HIP1: variants seen among roughly 807,000 people sequenced by gnomAD.
The protein encoded by HIP1 is huntingtin interacting protein 1.
A neutral mutation model predicts 147.6 loss-of-function variants in HIP1; 65 were observed. The ratio of observed to expected loss-of-function variants is 0.44; its 90% CI spans 0.36 to 0.54. The LOEUF (loss-of-function observed/expected upper bound fraction) is 0.54, where lower values mean the gene tolerates loss of function less well. HIP1 is among the 20% of genes least tolerant of loss of function. HIP1 has a pLI of 0.00. For synonymous variants in HIP1, 479 were observed against 504.0 expected, an observed-to-expected ratio of 0.95 and a Z score of 0.67; for missense variants, 1,061 against 1,299.6, an observed-to-expected ratio of 0.82 and a Z score of 2.82.
chr7:75,588,475 T>C (rs1295787311), intron 4 of HIP1, among the ~76,000 whole-genome samples: 1 of 152,136 alleles, frequency 6.6e-6, no homozygotes, highest in Non-Finnish European at 1.5e-5. Context: ...CAGGGCATAA[T>C]AAATTGTAAA....
At chr7:75,553,654 G>GGAGTGCAGTGGCGCCATCTCGGCTC in intron 21 of HIP1, 65 bp from the exon 22 acceptor site, 1 of 1,481,782 alleles carries the variant, frequency 6.7e-7, no homozygotes. Flanking sequence ...TGCCCAGGCT[G>GGAGTGCAGTGGCGCCATCTCGGCTC]GAGTGCAGTG....
rs55982331 is a variant in HIP1, at chr7:75,717,676, C to CAAAAAAAAAAAA, written c.120+21113_120+21124dup. On this transcript the variant is annotated intron_variant, in intron 1 of 30. Coordinates refer to ENST00000336926, the MANE Select transcript of HIP1 (RefSeq NM_005338.7). The stretch of plus-strand genomic sequence containing the variant: ...GTGAAACCTGTCTCTACTAAAAATA[C>CAAAAAAAAAAAA]AAAAAAAAAAAAGACCAGGCGCGGT... 6.9e-4 allele frequency among the ~76,000 whole-genome samples: 81 copies of CAAAAAAAAAAAA among 117,710 alleles called. 6 individuals are homozygous for CAAAAAAAAAAAA. Among genetic ancestry groups the CAAAAAAAAAAAA allele is most frequent in the African/African-American group, 2.5e-3 (72 of 29,004 alleles). The allele number at this position is 117,710 out of a possible 152,430, so 77.2% of individuals were successfully genotyped here.
intron 1 of HIP1, among the ~76,000 whole-genome samples, chr7:75,734,693 G>A (rs1276856652): frequency 6.6e-6 from 1 of 152,028 alleles, no homozygotes; most frequent in Admixed American, 6.6e-5. Context: ...TTCAGAGGAG[G>A]GAGTGGCCAA....
chr7:75,626,390 A>T (rs1554508011), intron 1 of HIP1: 1 of 152,252 alleles, frequency 6.6e-6, no homozygotes, highest in Non-Finnish European at 1.5e-5. Context: ...AATGTTATTA[A>T]TAGAGGACAG....
At position 75,599,218 on chromosome 7, in the gene HIP1, C is replaced by T. The variant is rs372317584; in HGVS notation, c.150G>A (p.Thr50=). The part of the protein sequence containing the change: ...QTVSINKAIN[T]QEVAVKEKHA... ...GTTTTTCCTTTACAGCCACTTCCTGCGTATTAATGGCCTTATTGATGCTGA... is the reference window on the plus strand; with the variant it reads ...GTTTTTCCTTTACAGCCACTTCCTGTGTATTAATGGCCTTATTGATGCTGA... The change falls in exon 2 of 31, where the codon ACG becomes ACA. Residue 50 remains threonine, a synonymous_variant. Transcript: ENST00000336926. 1.0e-4 allele frequency: 163 copies of T among 1,613,076 alleles called. No individual in the cohort carries two copies. Among genetic ancestry groups the T allele is most frequent in the Non-Finnish European group, 1.3e-4 (155 of 1,179,210 alleles).
chr7:75,659,781 T>C (rs1318657207), intron 1 of HIP1, among the ~76,000 whole-genome samples: 5 of 152,314 alleles, frequency 3.3e-5, no homozygotes, highest in South Asian at 2.1e-4. Context: ...AAGCATTTTA[T>C]TGGGTACCCA....
intron 4 of HIP1, among the ~76,000 whole-genome samples, chr7:75,591,722 CA>C (rs1168286308): frequency 0.055 from 4,384 of 79,624 alleles, 152 homozygotes; most frequent in African/African-American, 0.16. Context: ...CCGTCTCTAC[CA>C]AAAAAAAAAA....
chr7:75,624,879 C>A (rs1464420912), intron 1 of HIP1, among the ~76,000 whole-genome samples: 1 of 151,902 alleles, frequency 6.6e-6, no homozygotes, highest in East Asian at 1.9e-4. Context: ...TCATTGAATT[C>A]ATCCATCAAA....
chr7:75,689,077 G>A (rs894144512), intron 1 of HIP1, among the ~76,000 whole-genome samples: 18 of 152,284 alleles, frequency 1.2e-4, no homozygotes, highest in East Asian at 3.9e-4. Context: ...AAGGTAGGGC[G>A]CGGTGGCTCA....
chr7:75,692,069 ACAAC>A (rs1167184171), intron 1 of HIP1, among the ~76,000 whole-genome samples: 1 of 152,146 alleles, frequency 6.6e-6, no homozygotes, highest in Non-Finnish European at 1.5e-5. Context: ...TACCTCAATT[ACAAC>A]CAACCAACCA....
chr7:75,586,577 C>G (rs781942890), intron 5 of HIP1, among the ~76,000 whole-genome samples, 176 bp downstream of exon 5: 60 of 152,230 alleles, frequency 3.9e-4, no homozygotes, highest in Non-Finnish European at 3.1e-4. Context: ...TTCGTCACAC[C>G]CCGTGGGCCT....
At chr7:75,582,490 TG>T (rs1397866587) in intron 5 of HIP1, among the ~76,000 whole-genome samples, 1 of 152,116 alleles carries the variant, frequency 6.6e-6, no homozygotes, top group Non-Finnish European at 1.5e-5. Flanking sequence ...CATTCCATCG[TG>T]GGGCATCTAC....
intron 1 of HIP1, among the ~76,000 whole-genome samples, chr7:75,686,393 G>A (rs1800262820): frequency 6.6e-6 from 1 of 152,112 alleles, no homozygotes; most frequent in Non-Finnish European, 1.5e-5. Flanking sequence ...AATACACTCG[G>A]AATTTATTTG....
rs1264051434 is a variant in HIP1 at position 75,560,829 on chromosome 7, G to A, written c.1191+500C>T. 6.6e-5 allele frequency among the ~76,000 whole-genome samples: 10 copies of A among 152,078 alleles called. No individual in the cohort carries two copies. In the East Asian group the frequency reaches 1.9e-3, roughly 29 times the overall value. On this transcript the variant is annotated intron_variant, in intron 13 of 30. Transcript: ENST00000336926. ...GGCTGGATTCAAAACTCCTGGGCTT[G>A]AGTGATCCTCCTACCTCAGCCTCCT...
At chr7:75,594,865 G>A (rs1163019209) in intron 2 of HIP1, among the ~76,000 whole-genome samples, 2 of 152,184 alleles carry the variant, frequency 1.3e-5, no homozygotes, top group Non-Finnish European at 2.9e-5. Context: ...GGAGTGAGGA[G>A]AGAATTTCCA....
chr7:75,618,298 C>T (rs587638598), intron 1 of HIP1, among the ~76,000 whole-genome samples: 2 of 152,222 alleles, frequency 1.3e-5, no homozygotes, highest in Non-Finnish European at 2.9e-5. Context: ...ATTACAGGCA[C>T]GTGCCACCAA....
At position 75,554,451 on chromosome 7, in the gene HIP1, G is replaced by T; in HGVS notation, c.2039C>A (p.Ala680Asp). 6.2e-7 allele frequency: 1 copy of T among 1,613,280 alleles called. No individual in the cohort carries two copies. The highest frequency in any genetic ancestry group is 8.5e-7 in the Non-Finnish European group (1 of 1,179,342). ...TTGGCCATTCTTACCTTCTGGGCAGGCCAGATACTGGCTCCAGCTTTTCTC... is the reference window on the plus strand; with the variant it reads ...TTGGCCATTCTTACCTTCTGGGCAGTCCAGATACTGGCTCCAGCTTTTCTC... The part of the protein sequence containing the change: ...QLEKSWSQYL[A>D]CPEDISGLLH... The change falls in exon 20 of 31, where the codon GCC becomes GAC. Residue 680 changes from alanine (A) to aspartate (D), a missense_variant. Transcript: ENST00000336926.
chr7:75,552,092 T>A (rs1186021556), intron 22 of HIP1, among the ~76,000 whole-genome samples: 2 of 151,874 alleles, frequency 1.3e-5, no homozygotes, highest in African/African-American at 2.4e-5. Flanking sequence ...GGTTTTGCCA[T>A]GTTGGCCAGG....
chr7:75,607,064 TA>T (rs1221740314), intron 1 of HIP1, among the ~76,000 whole-genome samples: 1 of 151,072 alleles, frequency 6.6e-6, no homozygotes, highest in Admixed American at 6.6e-5. Flanking sequence ...ACCCCATCTC[TA>T]AAAAAAAATT....
Sources: allele counts gnomAD v4.1 joint callset (sites outside exome capture counted in the v4.1 genomes callset), GRCh38; gene constraint gnomAD v4.1.1; transcripts MANE v1.5; gene names NCBI Gene and HGNC (gene_info 2026-07-23, HGNC 2026-07-21).